USP6NL: variants seen among roughly 807,000 people sequenced by gnomAD.
USP6NL encodes USP6 N-terminal-like protein.
USP6NL carries 26 observed loss-of-function variants against 61.9 expected under a neutral mutation model. The observed-to-expected ratio is 0.42, with a 90% CI of 0.31 to 0.58. The LOEUF (loss-of-function observed/expected upper bound fraction) is 0.58. Ranked by LOEUF, USP6NL falls within the 20% of genes least tolerant of loss-of-function variation. The pLI is 0.16. For missense variants in USP6NL, 1,114 were observed against 1,034.3 expected (o/e 1.08, Z -1.06); for synonymous variants, 432 against 390.1 (o/e 1.11, Z -1.27).
At position 11,545,099 on chromosome 10, in the gene USP6NL, C is replaced by T. The variant is rs970210120; in HGVS notation, c.5-17532G>A. The stretch of plus-strand genomic sequence containing the variant: ...AACTTTTTGTTATGTACACATACCA[C>T]CTTGTCAGAATACAAACATAAATTT... On this transcript the variant is annotated intron_variant, in intron 2 of 14. Transcript: ENST00000609104. Among the ~76,000 whole-genome samples the T allele has an allele frequency of 2.0e-5, 3 of 152,304 alleles. No homozygotes were observed. The South Asian group carries it at 6.2e-4, about 32-fold the overall frequency.
In USP6NL at chr10:11,540,743, G is replaced by A. The variant is rs932972233; in HGVS notation, c.5-13176C>T. On this transcript the variant is annotated intron_variant, in intron 2 of 14. Coordinates refer to ENST00000609104, the MANE Select transcript of USP6NL (RefSeq NM_014688.5). The surrounding 1 kb of genome is among the most constrained non-coding windows in gnomAD (Gnocchi z 5.0). ...TTCTACCCTTTAAATAAAAAATAAT[G>A]TGCAAAAGCCAAACTGTGCCTAAAA... is the stretch of plus-strand genomic sequence containing the variant. 2.0e-4 allele frequency among the ~76,000 whole-genome samples: 31 copies of A among 152,158 alleles called. No individual in the cohort carries two copies. The highest frequency in any genetic ancestry group is 3.4e-3 in the Middle Eastern group (1 of 294).
At position 11,540,362 on chromosome 10, in the gene USP6NL, CAAT is replaced by C. The variant is rs1349182752; in HGVS notation, c.5-12798_5-12796del. ...TCTGGAAACATGTAAAAATTTGACACAATAATCATCAAATGACACTGAACTTTA... is the reference window on the plus strand; with the variant it reads ...TCTGGAAACATGTAAAAATTTGACACAATCATCAAATGACACTGAACTTTA... On this transcript the variant is annotated intron_variant, in intron 2 of 14. Transcript: ENST00000609104. The surrounding 1 kb of genome is among the most constrained non-coding windows in gnomAD (Gnocchi z 5.0). Among the ~76,000 whole-genome samples, 4 of 152,186 alleles carry C rather than the reference CAAT, an allele frequency of 2.6e-5. No individual in the cohort carries two copies. Among genetic ancestry groups the C allele is most frequent in the African/African-American group, 9.7e-5 (4 of 41,444 alleles).
In USP6NL at chr10:11,462,128, T is replaced by TA; in HGVS notation, c.*312dup. The TA allele has an allele frequency of 3.3e-6, 1 of 302,248 alleles. No individual in the cohort carries two copies. The highest frequency in any genetic ancestry group is 6.5e-5 in the East Asian group (1 of 15,316). The allele number at this position is 302,248 out of a possible 1,614,324, so 18.7% of individuals were successfully genotyped here. The stretch of plus-strand genomic sequence containing the variant: ...GTCAAAATAGAATGAGCCAACAGAG[T>TA]AAAAATGTTCAGGTTTTGGAGAAAA... On this transcript the variant is annotated 3_prime_UTR_variant, in exon 15 of 15. Coordinates refer to ENST00000609104, the MANE Select transcript of USP6NL (RefSeq NM_014688.5).
chr10:11,550,714 G>A (rs183432618), intron 2 of USP6NL, among the ~76,000 whole-genome samples: 119 of 151,834 alleles, frequency 7.8e-4, no homozygotes, highest in African/African-American at 2.8e-3. Flanking sequence ...CTGAGATCGC[G>A]CCACTGCACT....
At position 11,518,460 on chromosome 10, in the gene USP6NL, C is replaced by G. The variant is rs925130162; in HGVS notation, c.195+75G>C. 1 of 1,360,380 alleles carries G rather than the reference C, an allele frequency of 7.4e-7. No homozygotes were observed. The highest frequency in any genetic ancestry group is 1.0e-6 in the Non-Finnish European group (1 of 955,028). 84.3% of individuals were successfully genotyped at this position (1,360,380 alleles called of 1,614,324 possible). ...CCATATAATATGGCACTTAAAATCA[C>G]AAAGGTGGTCAATTTTATTCTTCTA... On this transcript the variant is annotated intron_variant, in intron 5 of 14. Coordinates refer to ENST00000609104, the MANE Select transcript of USP6NL (RefSeq NM_014688.5). This position sits in a 1 kb window ranked among gnomAD's most constrained non-coding sequence, Gnocchi z 5.3.
chr10:11,590,365 T>G (rs1373014341), intron 2 of USP6NL, among the ~76,000 whole-genome samples: 1 of 152,208 alleles, frequency 6.6e-6, no homozygotes, highest in Non-Finnish European at 1.5e-5. Context: ...TCACATACAC[T>G]GATAGCCACA....
intron 2 of USP6NL, among the ~76,000 whole-genome samples, chr10:11,549,860 T>C (rs549279870): frequency 6.0e-4 from 92 of 152,360 alleles, no homozygotes; most frequent in African/African-American, 2.1e-3. Context: ...CCCTTCTTTA[T>C]TGCCACAACC....
At chr10:11,551,819 A>C (rs148324256) in intron 2 of USP6NL, among the ~76,000 whole-genome samples, 12 of 152,306 alleles carry the variant, frequency 7.9e-5, no homozygotes, top group Non-Finnish European at 1.3e-4. Context: ...GACTATTCAA[A>C]TTATTTCACT....
chr10:11,557,501 C>A (rs899144651), intron 2 of USP6NL, among the ~76,000 whole-genome samples: 1 of 152,138 alleles, frequency 6.6e-6, no homozygotes, highest in Non-Finnish European at 1.5e-5. Context: ...CTCAAAGATG[C>A]CATGATTTTA....
intron 2 of USP6NL, chr10:11,565,758 T>A (rs1837125269): frequency 6.6e-6 from 1 of 152,160 alleles, no homozygotes; most frequent in African/African-American, 2.4e-5. Context: ...CCGCTCACCA[T>A]TGAAGCCAAT....
At position 11,462,477 on chromosome 10, in the gene USP6NL, C is replaced by T. The variant is rs552093865; in HGVS notation, c.2451G>A (p.Arg817=). 1.2e-6 allele frequency: 2 copies of T among 1,613,942 alleles called. No homozygotes were observed. The highest frequency in any genetic ancestry group is 1.7e-4 in the Middle Eastern group (1 of 6,004). ...CTGACTCTTGGATGGAAAGCCCGTC[C>T]CGATTCCTGTAGTGGTAGGCTGGAG... ...PPPPAYHYRN[R]DGLSIQESVL... The change falls in exon 15 of 15, where the codon CGG becomes CGA. Residue 817 remains arginine, a synonymous_variant. Coordinates refer to ENST00000609104, the MANE Select transcript of USP6NL (RefSeq NM_014688.5).
intron 2 of USP6NL, among the ~76,000 whole-genome samples, chr10:11,542,476 T>C (rs772219012): frequency 9.9e-5 from 15 of 152,186 alleles, no homozygotes; most frequent in Non-Finnish European, 1.6e-4. Context: ...CCCAGCACTT[T>C]GGGAGGCCGA....
Position 11,527,572 on chromosome 10 carries a change from G to A in USP6NL, c.5-5C>T. ...GTGCTACATCCTGGTCTGAATCTGTGGAGAAGACATCAAATTTAGATGAAT... is the reference window on the plus strand; with the variant it reads ...GTGCTACATCCTGGTCTGAATCTGTAGAGAAGACATCAAATTTAGATGAAT... On this transcript the variant is annotated splice_region_variant and splice_polypyrimidine_tract_variant and intron_variant, in intron 2 of 14. Coordinates refer to ENST00000609104, the MANE Select transcript of USP6NL (RefSeq NM_014688.5). The A allele has an allele frequency of 1.2e-6, 2 of 1,605,550 alleles. No individual in the cohort carries two copies. Among genetic ancestry groups the A allele is most frequent in the Non-Finnish European group, 8.5e-7 (1 of 1,175,710 alleles).
Position 11,464,127 on chromosome 10 carries a change from G to A in USP6NL, c.1079-278C>T, listed in dbSNP as rs557621117. Among the ~76,000 whole-genome samples, 5 of 152,326 alleles carry A rather than the reference G, an allele frequency of 3.3e-5. No individual in the cohort carries two copies. The East Asian group carries it at 9.6e-4, about 29-fold the overall frequency. On this transcript the variant is annotated intron_variant, in intron 14 of 14. Coordinates refer to ENST00000609104, the MANE Select transcript of USP6NL (RefSeq NM_014688.5). ...TACAGAGCAGGAGAGTGCCAGCAAG[G>A]AGGCGGTCCTCTGAGCATGGGCCTT...
At position 11,496,920 on chromosome 10, in the gene USP6NL, C is replaced by G. The variant is rs1833952626; in HGVS notation, c.385-3692G>C. 6.6e-6 allele frequency among the ~76,000 whole-genome samples: 1 copy of G among 152,006 alleles called. No individual in the cohort carries two copies. The highest frequency in any genetic ancestry group is 6.6e-5 in the Admixed American group (1 of 15,258). On this transcript the variant is annotated intron_variant, in intron 7 of 14. Transcript: ENST00000609104. The surrounding 1 kb of genome is among the most constrained non-coding windows in gnomAD (Gnocchi z 5.4). Reference sequence around the variant, plus strand: ...CTGCAGCTTTTTAAAACAGGAAGAACAGCCACAGTATGTTTCAGAATTCTC... The same window carrying G: ...CTGCAGCTTTTTAAAACAGGAAGAAGAGCCACAGTATGTTTCAGAATTCTC...
At position 11,527,526 on chromosome 10, in the gene USP6NL, C is replaced by T; in HGVS notation, c.46G>A (p.Ala16Thr). 1 of 1,608,700 alleles carries T rather than the reference C, an allele frequency of 6.2e-7. No individual in the cohort carries two copies. The highest frequency in any genetic ancestry group is 8.5e-7 in the Non-Finnish European group (1 of 1,177,336). ...DVALKLAQER[A>T]EIVAKYDRGR... ...CTGTCATATTTAGCAACTATTTCAG[C>T]TCGCTCCTGGGCAAGTTTGAGTGCT... The change falls in exon 3 of 15, where the codon GCT becomes ACT. Residue 16 changes from alanine (A) to threonine (T), a missense_variant. Transcript: ENST00000609104.
intron 2 of USP6NL, among the ~76,000 whole-genome samples, chr10:11,556,647 C>T (rs1836716644): frequency 6.6e-6 from 1 of 151,912 alleles, no homozygotes; most frequent in African/African-American, 2.4e-5. Context: ...CGGACAAAGC[C>T]GACTTAGGCA....
chr10:11,555,741 A>G (rs1019882256), intron 2 of USP6NL, among the ~76,000 whole-genome samples: 1 of 152,140 alleles, frequency 6.6e-6, no homozygotes, highest in East Asian at 1.9e-4. Flanking sequence ...TTAAAAACAA[A>G]GAAGAAATCT....
chr10:11,542,698 G>A (rs888082115), intron 2 of USP6NL, among the ~76,000 whole-genome samples: 5 of 152,146 alleles, frequency 3.3e-5, no homozygotes, highest in African/African-American at 7.2e-5. Context: ...CAGCCTGGAC[G>A]ACAGGATGTG....
Sources: gnomAD v4.1 joint callset for allele counts (sites outside exome capture counted in the v4.1 genomes callset) on GRCh38, gnomAD v4.1.1 for gene constraint, Gnocchi (gnomAD v3.1) non-coding constraint, MANE v1.5 for transcripts, NCBI Gene and HGNC (gene_info 2026-07-23, HGNC 2026-07-21) for gene names.